The following SLC4A4 variants were observed in gnomAD, a reference collection of about 807,000 sequenced individuals.
The protein encoded by SLC4A4 is solute carrier family 4 member 4.
Under a neutral mutation model 111.5 loss-of-function variants are expected in SLC4A4, and 27 were observed. The ratio of observed to expected loss-of-function variants is 0.24; its 90% CI spans 0.18 to 0.33. The LOEUF is 0.33. Ranked by LOEUF, SLC4A4 falls within the 10% of genes least tolerant of loss-of-function variation. The pLI, the probability that SLC4A4 is intolerant of heterozygous loss-of-function variation, is 1.00. For missense variants in SLC4A4, 909 were observed against 1,315.5 expected (o/e 0.69, Z 4.78); for synonymous variants, 443 against 463.4 (o/e 0.96, Z 0.57).
intron 3 of SLC4A4, among the ~76,000 whole-genome samples, chr4:71,255,847 C>A (rs569551804): frequency 1.3e-5 from 2 of 152,088 alleles, no homozygotes; most frequent in East Asian, 3.9e-4. Context: ...GACATAAAAC[C>A]AGGTTATGAG....
At chr4:71,110,767 A>G (rs978107660) in intron 2 of SLC4A4, among the ~76,000 whole-genome samples, 1 of 152,124 alleles carries the variant, frequency 6.6e-6, no homozygotes, top group African/African-American at 2.4e-5. Flanking sequence ...GGGAGGCTCT[A>G]GATTCTTTTT....
chr4:71,308,139 T>C (rs1725838038), intron 3 of SLC4A4, among the ~76,000 whole-genome samples: 1 of 152,178 alleles, frequency 6.6e-6, no homozygotes, highest in South Asian at 2.1e-4. Context: ...TTTCATGTTA[T>C]ATGCTCAAGC....
At chr4:71,067,044 C>A (rs1181874517) in intron 1 of SLC4A4, among the ~76,000 whole-genome samples, 2 of 151,906 alleles carry the variant, frequency 1.3e-5, no homozygotes, top group Non-Finnish European at 2.9e-5. Flanking sequence ...GTATTTTTGA[C>A]CGAAAGAGGC....
chr4:71,467,096 G>C (rs12642910), intron 13 of SLC4A4, among the ~76,000 whole-genome samples: 20,345 of 151,890 alleles, frequency 0.13, 1,613 homozygotes, highest in African/African-American at 0.22. Flanking sequence ...CTTGACTCTA[G>C]CCCTCACCAG....
chr4:71,108,876 G>T (rs1018367328), intron 2 of SLC4A4, among the ~76,000 whole-genome samples: 2 of 151,866 alleles, frequency 1.3e-5, no homozygotes, highest in African/African-American at 4.8e-5. Flanking sequence ...AATCTGTTCA[G>T]ATATTGTTTT....
At chr4:71,322,277 T>C (rs1042760412) in intron 3 of SLC4A4, among the ~76,000 whole-genome samples, 1 of 151,950 alleles carries the variant, frequency 6.6e-6, no homozygotes, top group African/African-American at 2.4e-5. Context: ...ATGGGTAGAA[T>C]TTTTTTGGCA....
chr4:71,485,746 GT>G (rs35854726), intron 14 of SLC4A4, among the ~76,000 whole-genome samples: 86,763 of 150,984 alleles, frequency 0.57, 27,495 homozygotes, highest in Non-Finnish European at 0.73. Flanking sequence ...TGTTTTTCTT[GT>G]TTTTTTTCTT....
At chr4:71,559,607 G>T (rs1736777033) in intron 22 of SLC4A4, among the ~76,000 whole-genome samples, 2 of 151,756 alleles carry the variant, frequency 1.3e-5, no homozygotes, top group African/African-American at 4.8e-5. Context: ...GAATGAAATG[G>T]TCTATGCATA....
intron 12 of SLC4A4, among the ~76,000 whole-genome samples, chr4:71,460,854 T>C (rs1242671810): frequency 6.6e-6 from 1 of 152,082 alleles, no homozygotes; most frequent in African/African-American, 2.4e-5. Context: ...TTGTTTAGGG[T>C]GGAAATAAAG....
intron 11 of SLC4A4, 27 bp from the exon 12 acceptor site, chr4:71,453,468 G>T: frequency 1.9e-6 from 3 of 1,605,880 alleles, no homozygotes; most frequent in Non-Finnish European, 2.6e-6. Flanking sequence ...TTTACATTTA[G>T]TGGATGTTTG....
In SLC4A4 at chr4:71,205,789, CAG is replaced by C. The variant is rs375820629; in HGVS notation, c.-2+18390_-2+18391del. Among the ~76,000 whole-genome samples, 79 of 152,282 alleles carry C rather than the reference CAG, an allele frequency of 5.2e-4. 1 individual carries two copies. The highest frequency in any genetic ancestry group is 5.5e-4 in the African/African-American group (23 of 41,574). On this transcript the variant is annotated intron_variant, in intron 1 of 25. Coordinates refer to ENST00000264485, the MANE Select transcript of SLC4A4 (RefSeq NM_001098484.3). ...AATGTTTTTCTCTTATCAGAAAGATCAGAAAGTGCAATGATGCAGTCAAAACC... is the reference window on the plus strand; with the variant it reads ...AATGTTTTTCTCTTATCAGAAAGATCAAAGTGCAATGATGCAGTCAAAACC...
chr4:71,153,478 G>A (rs1744371399), intron 2 of SLC4A4, among the ~76,000 whole-genome samples: 1 of 152,088 alleles, frequency 6.6e-6, no homozygotes, highest in South Asian at 2.1e-4. Flanking sequence ...TTGAAACCCA[G>A]CTCTCCTCCT....
At chr4:71,342,634 G>C (rs930160696) in intron 4 of SLC4A4, among the ~76,000 whole-genome samples, 1 of 152,128 alleles carries the variant, frequency 6.6e-6, no homozygotes, top group Non-Finnish European at 1.5e-5. Context: ...TTTGTGAGTT[G>C]TTATCATAGA....
chr4:71,319,183 T>G (rs1272926131), intron 3 of SLC4A4, among the ~76,000 whole-genome samples: 1 of 152,070 alleles, frequency 6.6e-6, no homozygotes, highest in African/African-American at 2.4e-5. Context: ...GTTACCCTTG[T>G]GCATAGCTTA....
chr4:71,546,620 C>G, intron 19 of SLC4A4, 92 bp downstream of exon 19: 1 of 1,078,274 alleles, frequency 9.3e-7, no homozygotes, highest in Non-Finnish European at 1.4e-6. Flanking sequence ...TTGGAGGAGA[C>G]AGGGCTTGTG....
intron 15 of SLC4A4, among the ~76,000 whole-genome samples, chr4:71,488,251 ATTG>A (rs559056694): frequency 1.8e-3 from 268 of 151,618 alleles, no homozygotes; most frequent in African/African-American, 6.2e-3. Context: ...AAGAAAAGAA[ATTG>A]TTATCTAACT....
chr4:71,297,533 C>G (rs1345434935), intron 3 of SLC4A4, among the ~76,000 whole-genome samples: 1 of 150,814 alleles, frequency 6.6e-6, no homozygotes, highest in East Asian at 1.9e-4. Context: ...CACACACACA[C>G]ACACACACAC....
intron 16 of SLC4A4, among the ~76,000 whole-genome samples, chr4:71,518,984 G>C (rs984976907): frequency 3.3e-5 from 5 of 152,210 alleles, no homozygotes; most frequent in African/African-American, 1.2e-4. Flanking sequence ...CTCTCAAACA[G>C]AGGGTTTCCC....
Position 71,558,523 on chromosome 4 carries a change from T to C in SLC4A4, c.2937+638T>C, listed in dbSNP as rs149769484. ...CAAGTGAAAGAAGAGAAAAAGGAGT[T>C]CTGTATTTGGCATCACTACTGAATT... is the stretch of plus-strand genomic sequence containing the variant. On this transcript the variant is annotated intron_variant, in intron 22 of 25. Transcript: ENST00000264485. Among the ~76,000 whole-genome samples, 833 of 152,024 alleles carry C rather than the reference T, an allele frequency of 5.5e-3. 10 individuals are homozygous for C. Among genetic ancestry groups the C allele is most frequent in the African/African-American group, 0.019 (799 of 41,524 alleles).
Sources: allele counts gnomAD v4.1 joint callset (sites outside exome capture counted in the v4.1 genomes callset), GRCh38; gene constraint gnomAD v4.1.1; transcripts MANE v1.5; gene names NCBI Gene and HGNC (gene_info 2026-07-23, HGNC 2026-07-21).